TSC22D1: variants seen among roughly 807,000 people sequenced by gnomAD.
TSC22D1 encodes the protein TSC22 domain family protein 1.
TSC22D1 carries 9 observed loss-of-function variants against 74.2 expected under a neutral mutation model. The observed-to-expected ratio is 0.12, with a 90% CI of 0.07 to 0.21. The LOEUF (loss-of-function observed/expected upper bound fraction) is 0.21, where lower values mean the gene tolerates loss of function less well. Among genes scored for constraint, TSC22D1 ranks in the 10% least tolerant of loss-of-function variants. The pLI is 1.00. For synonymous variants in TSC22D1, 586 were observed against 492.5 expected, an observed-to-expected ratio of 1.19 and a Z score of -2.51; for missense variants, 1,427 against 1,304.7, an observed-to-expected ratio of 1.09 and a Z score of -1.44.
intron 1 of TSC22D1, among the ~76,000 whole-genome samples, chr13:44,456,609 A>G (rs939791388): frequency 6.6e-6 from 1 of 152,238 alleles, no homozygotes; most frequent in Non-Finnish European, 1.5e-5. Context: ...ATTCTCTAGT[A>G]TAGCCAACAC....
intron 1 of TSC22D1, among the ~76,000 whole-genome samples, chr13:44,563,920 C>T (rs910620039): frequency 2.6e-5 from 4 of 152,120 alleles, no homozygotes; most frequent in Non-Finnish European, 4.4e-5. Context: ...ATTACTTAGC[C>T]CTTATATTGC....
chr13:44,448,477 G>C (rs1220572447), intron 1 of TSC22D1, among the ~76,000 whole-genome samples: 1 of 152,148 alleles, frequency 6.6e-6, no homozygotes, highest in Non-Finnish European at 1.5e-5. Flanking sequence ...CAACGGTAAA[G>C]ATAAATTTAA....
intron 1 of TSC22D1, among the ~76,000 whole-genome samples, chr13:44,468,449 A>G (rs1260202180): frequency 6.7e-6 from 1 of 149,868 alleles, no homozygotes; most frequent in Non-Finnish European, 1.5e-5. Context: ...AGCACTTTGT[A>G]TGTATCATCT....
chr13:44,484,224 C>T (rs1878326073), intron 1 of TSC22D1, among the ~76,000 whole-genome samples: 1 of 152,000 alleles, frequency 6.6e-6, no homozygotes, highest in South Asian at 2.1e-4. Context: ...TTTGAGTAGC[C>T]TAAGAGTTTG....
intron 1 of TSC22D1, among the ~76,000 whole-genome samples, chr13:44,439,664 A>G (rs943331784): frequency 6.6e-6 from 1 of 152,250 alleles, no homozygotes; most frequent in African/African-American, 2.4e-5. Context: ...ATCAGGAGGT[A>G]TCACCTCAGT....
At chr13:44,435,693 G>A (rs975660677) in intron 2 of TSC22D1, 3 of 317,768 alleles carry the variant, frequency 9.4e-6, no homozygotes, top group Non-Finnish European at 1.8e-5. Context: ...AAAATATTAG[G>A]ATTCCTAGTA....
At chr13:44,438,287 C>T (rs532310774) in intron 1 of TSC22D1, among the ~76,000 whole-genome samples, 20 of 152,242 alleles carry the variant, frequency 1.3e-4, no homozygotes, top group East Asian at 3.9e-4. Context: ...AAAATCTGAC[C>T]GTAGAACATA....
intron 1 of TSC22D1, among the ~76,000 whole-genome samples, chr13:44,482,882 G>GTT (rs1878246297): frequency 1.3e-5 from 2 of 152,086 alleles, no homozygotes; most frequent in Non-Finnish European, 2.9e-5. Flanking sequence ...TTACTAATAT[G>GTT]CCAGATGTTA....
Position 44,525,812 on chromosome 13 carries a change from A to T in TSC22D1, c.2912+47351T>A, listed in dbSNP as rs868445435. Among the ~76,000 whole-genome samples the T allele has an allele frequency of 3.9e-3, 597 of 151,878 alleles. 4 individuals carry two copies. The highest frequency in any genetic ancestry group is 0.017 in the Middle Eastern group (5 of 294). ...GCTTTTAACAAAAAAAAAAAAAAAA[A>T]AAAAATAGCCAGGCTCAGTGGTTCA... is the stretch of plus-strand genomic sequence containing the variant. On this transcript the variant is annotated intron_variant, in intron 1 of 2. Transcript: ENST00000458659.
intron 1 of TSC22D1, among the ~76,000 whole-genome samples, chr13:44,545,661 T>C (rs762735617): frequency 2.0e-5 from 3 of 149,460 alleles, no homozygotes; most frequent in East Asian, 3.9e-4. Flanking sequence ...TTCATAAGAG[T>C]GCACTTAGAA....
intron 1 of TSC22D1, among the ~76,000 whole-genome samples, chr13:44,540,605 T>C (rs1253611653): frequency 6.6e-6 from 1 of 152,172 alleles, no homozygotes; most frequent in African/African-American, 2.4e-5. Flanking sequence ...CTTTTTAAAA[T>C]GCATAATCAT....
Position 44,538,409 on chromosome 13 carries a change from A to G in TSC22D1, c.2912+34754T>C, listed in dbSNP as rs527639393. 18 of 985,392 alleles carry G rather than the reference A, an allele frequency of 1.8e-5. No homozygotes were observed. The East Asian group carries it at 1.4e-3, about 74-fold the overall frequency. The allele number at this position is 985,392 out of a possible 1,614,324, so 61.0% of individuals were successfully genotyped here. ...CACCCTTTATTTACTAGTTACTTTC[A>G]GTGTCAGGCAACAAAAAAAACCATT... On this transcript the variant is annotated intron_variant, in intron 1 of 2. Coordinates refer to ENST00000458659, the MANE Select transcript of TSC22D1 (RefSeq NM_183422.4).
At chr13:44,537,202 C>T (rs1475379181) in intron 1 of TSC22D1, 1 of 877,226 alleles carries the variant, frequency 1.1e-6, no homozygotes, top group Non-Finnish European at 1.4e-6. Context: ...TATTAATATT[C>T]ATAAACACTG....
At chr13:44,519,030 T>G (rs1374892661) in intron 1 of TSC22D1, among the ~76,000 whole-genome samples, 2 of 152,218 alleles carry the variant, frequency 1.3e-5, no homozygotes, top group African/African-American at 4.8e-5. Context: ...ATTATTTTCT[T>G]AAGGTGTTAG....
chr13:44,563,918 G>A (rs1347367848), intron 1 of TSC22D1, among the ~76,000 whole-genome samples: 1 of 152,096 alleles, frequency 6.6e-6, no homozygotes, highest in Non-Finnish European at 1.5e-5. Flanking sequence ...CTATTACTTA[G>A]CCCTTATATT....
chr13:44,470,828 C>T (rs1221711688), intron 1 of TSC22D1, among the ~76,000 whole-genome samples: 1 of 152,148 alleles, frequency 6.6e-6, no homozygotes, highest in Admixed American at 6.5e-5. Context: ...AGCAAGTTGA[C>T]GTCAGACCCA....
chr13:44,574,988 TATTCAC>T lies in TSC22D1; in HGVS notation c.1081_1086del (p.Val361_Asn362del). 6.2e-7 allele frequency: 1 copy of T among 1,614,132 alleles called. No individual in the cohort carries two copies. The highest frequency in any genetic ancestry group is 1.1e-5 in the South Asian group (1 of 91,086). ...GTACCATTGCCCATGCCACTCAAGA[TATTCAC>T]ATTAACACCACTGGTAACTCCAGGC... On this transcript the variant is annotated inframe_deletion, in exon 1 of 3. Transcript: ENST00000458659.
At chr13:44,504,406 A>G (rs1379154852) in intron 1 of TSC22D1, among the ~76,000 whole-genome samples, 5 of 151,736 alleles carry the variant, frequency 3.3e-5, no homozygotes, top group African/African-American at 9.7e-5. Flanking sequence ...GAGTTCAAGA[A>G]CAGCCTGGGA....
chr13:44,434,568 C>T lies in TSC22D1; in HGVS notation c.*58G>A. The T allele has an allele frequency of 6.7e-7, 1 of 1,492,004 alleles. No individual in the cohort carries two copies. Among genetic ancestry groups the T allele is most frequent in the African/African-American group, 1.4e-5 (1 of 70,876 alleles). The allele number at this position is 1,492,004 out of a possible 1,614,324, so 92.4% of individuals were successfully genotyped here. On this transcript the variant is annotated 3_prime_UTR_variant, in exon 3 of 3. Coordinates refer to ENST00000458659, the MANE Select transcript of TSC22D1 (RefSeq NM_183422.4). ...CTGTGGAGGCAGATTCTCCCTAGCA[C>T]ATCTTCTCCGTCTGTTCAGTTCACA... is the stretch of plus-strand genomic sequence containing the variant.
Sources: gnomAD v4.1 joint callset for allele counts (sites outside exome capture counted in the v4.1 genomes callset) on GRCh38, gnomAD v4.1.1 for gene constraint, MANE v1.5 for transcripts, NCBI Gene and HGNC (gene_info 2026-07-23, HGNC 2026-07-21) for gene names.